GRHPR: variants seen among roughly 807,000 people sequenced by gnomAD.
GRHPR encodes glyoxylate reductase/hydroxypyruvate reductase.
GRHPR carries 35 observed loss-of-function variants against 36.8 expected under a neutral mutation model. That is an observed-to-expected ratio of 0.95 (90% CI 0.73 to 1.26). The LOEUF (loss-of-function observed/expected upper bound fraction) is 1.26. Among genes scored for constraint, GRHPR ranks in the 50% most tolerant of loss-of-function variants. The probability of loss-of-function intolerance (pLI) is 0.00; values close to 1 mark genes in which losing one functional copy is unlikely to be tolerated. For missense variants in GRHPR, 380 were observed against 435.0 expected, an observed-to-expected ratio of 0.87 and a Z score of 1.12; for synonymous variants, 179 against 181.0, an observed-to-expected ratio of 0.99 and a Z score of 0.09.
chr9:37,431,835 G>C (rs933614923), intron 7 of GRHPR, 173 bp from the exon 8 acceptor site: 7 of 629,442 alleles, frequency 1.1e-5, no homozygotes, highest in Non-Finnish European at 2.0e-5. Context: ...GGCAGGGCTG[G>C]AGTTCTCTGA....
In GRHPR at chr9:37,428,845, A is replaced by C. The variant is rs1449338849; in HGVS notation, c.493+273A>C. ...ATTCCGGCTCCATAAAGAACAGATGAAGACTACAAATGTGTTGGGGCCGTT... is the reference window on the plus strand; with the variant it reads ...ATTCCGGCTCCATAAAGAACAGATGCAGACTACAAATGTGTTGGGGCCGTT... On this transcript the variant is annotated intron_variant, in intron 5 of 8. Coordinates refer to ENST00000318158, the MANE Select transcript of GRHPR (RefSeq NM_012203.2). 1.2e-5 allele frequency: 7 copies of C among 577,478 alleles called. No homozygotes were observed. The East Asian group carries it at 2.3e-4, about 19-fold the overall frequency. The allele number at this position is 577,478 out of a possible 1,614,324, so 35.8% of individuals were successfully genotyped here.
At chr9:37,429,915 T>G in intron 6 of GRHPR, 79 bp downstream of exon 6, 1 of 866,960 alleles carries the variant, frequency 1.2e-6, no homozygotes, top group Non-Finnish European at 2.0e-6. Flanking sequence ...GGTGGCATTT[T>G]CAGGCAGAGG....
chr9:37,426,352 C>T (rs1823073847), intron 3 of GRHPR, 186 bp from the exon 4 acceptor site: 5 of 669,678 alleles, frequency 7.5e-6, no homozygotes, highest in Admixed American at 6.3e-5. Flanking sequence ...TCTTCATATC[C>T]TTCCAAAGTG....
intron 5 of GRHPR, 197 bp from the exon 6 acceptor site, chr9:37,429,534 TG>T (rs1823247571): frequency 1.5e-6 from 1 of 659,718 alleles, no homozygotes; most frequent in Non-Finnish European, 2.8e-6. Context: ...TCCAGATCCC[TG>T]GGGCAGTGTG....
intron 4 of GRHPR, chr9:37,428,144 T>C: frequency 2.4e-6 from 1 of 422,372 alleles, no homozygotes; most frequent in South Asian, 2.3e-5. Flanking sequence ...TGTTTTGGAA[T>C]CATAAATCCT....
At position 37,436,637 on chromosome 9, in the gene GRHPR, T is replaced by C. The variant is rs750042160; in HGVS notation, c.866-24T>C. 40 of 864,658 alleles carry C rather than the reference T, an allele frequency of 4.6e-5. No homozygotes were observed. The African/African-American group carries it at 4.9e-4, about 11-fold the overall frequency. The allele number at this position is 864,658 out of a possible 1,614,324, so 53.6% of individuals were successfully genotyped here. ...TGCTGAACCACCCTTCTTATCTCCC[T>C]CTCTCTCTCTCTCTCCTTTCCAGTG... On this transcript the variant is annotated intron_variant, in intron 8 of 8. Transcript: ENST00000318158.
At chr9:37,428,023 T>G in intron 4 of GRHPR, 1 of 274,930 alleles carries the variant, frequency 3.6e-6, no homozygotes, top group Non-Finnish European at 7.2e-6. Context: ...GTCTGGGGAG[T>G]CATCACATCT....
At chr9:37,430,780 C>A in intron 7 of GRHPR, 134 bp downstream of exon 7, 1 of 822,896 alleles carries the variant, frequency 1.2e-6, no homozygotes, top group Non-Finnish European at 2.1e-6. Context: ...ACCAAACAAC[C>A]AACTCAGAAA....
chr9:37,433,494 A>G (rs1256036169), intron 8 of GRHPR, among the ~76,000 whole-genome samples: 1 of 152,072 alleles, frequency 6.6e-6, no homozygotes, highest in African/African-American at 2.4e-5. Context: ...TCTGCCTCCC[A>G]AAGTGCTGGG....
intron 6 of GRHPR, 61 bp from the exon 7 acceptor site, chr9:37,430,450 C>G: frequency 6.7e-7 from 1 of 1,485,952 alleles, no homozygotes; most frequent in Non-Finnish European, 9.4e-7. Context: ...GGCTGGTCTC[C>G]CGCCATCTGG....
rs376446449 is a variant in GRHPR, at chr9:37,432,030, G to C, written c.757G>C (p.Asp253His). ...CAGGGGCGACGTCGTAAACCAGGAC[G>C]ACCTGTACCAGGCCTTGGCCAGTGG... ...ISRGDVVNQD[D>H]LYQALASGKI... Residue 253 changes from aspartate (D) to histidine (H), a missense_variant, in exon 8 of 9, where the codon GAC becomes CAC. Transcript: ENST00000318158. 6.2e-7 allele frequency: 1 copy of C among 1,614,118 alleles called. No homozygotes were observed. Among genetic ancestry groups the C allele is most frequent in the Non-Finnish European group, 8.5e-7 (1 of 1,179,974 alleles).
intron 8 of GRHPR, 95 bp downstream of exon 8, chr9:37,432,233 A>G: frequency 7.9e-7 from 1 of 1,260,454 alleles, no homozygotes. Context: ...AGCTAGTGTG[A>G]GCAGGTGTTG....
At chr9:37,436,592 A>G in intron 8 of GRHPR, 69 bp from the exon 9 acceptor site, 1 of 1,586,834 alleles carries the variant, frequency 6.3e-7, no homozygotes. Flanking sequence ...CCAAGCCATG[A>G]AAACAGCCCA....
At chr9:37,430,904 T>C in intron 7 of GRHPR, 2 of 597,502 alleles carry the variant, frequency 3.3e-6, no homozygotes. Flanking sequence ...CACAGCAGCG[T>C]GGCTTCAGGG....
intron 8 of GRHPR, chr9:37,434,566 G>C: frequency 3.2e-6 from 1 of 309,874 alleles, no homozygotes; most frequent in Non-Finnish European, 6.4e-6. Context: ...TGCAACCAAA[G>C]AGGAGGAGGG....
downstream of GRHPR, chr9:37,438,980 A>AT: frequency 6.6e-6 from 1 of 152,384 alleles, no homozygotes; most frequent in Non-Finnish European, 1.5e-5. Context: ...AAACACGCTC[A>AT]TTTTTGTTTC....
chr9:37,432,050 C>T lies in GRHPR; in HGVS notation c.777C>T (p.Ala259=), dbSNP rs201303429. The T allele has an allele frequency of 1.9e-6, 3 of 1,614,080 alleles. No individual in the cohort carries two copies. Among genetic ancestry groups the T allele is most frequent in the Non-Finnish European group, 2.5e-6 (3 of 1,179,910 alleles). Residue 259 remains alanine (A), a synonymous_variant, in exon 8 of 9, where the codon GCC becomes GCT. Transcript: ENST00000318158. ...VNQDDLYQAL[A]SGKIAAAGLD... Reference sequence around the variant, plus strand: ...AGGACGACCTGTACCAGGCCTTGGCCAGTGGTAAGATTGCAGCTGCTGGAC... The same window carrying T: ...AGGACGACCTGTACCAGGCCTTGGCTAGTGGTAAGATTGCAGCTGCTGGAC...
chr9:37,428,429 GCCC>G lies in GRHPR; in HGVS notation c.405-52_405-50del. 2.6e-6 allele frequency: 3 copies of G among 1,141,302 alleles called. No homozygotes were observed. In the South Asian group the frequency reaches 3.7e-5, roughly 14 times the overall value. The allele number at this position is 1,141,302 out of a possible 1,614,324, so 70.7% of individuals were successfully genotyped here. ...AGTCAGAGGTGCCGGGTTCTCAGCGGCCCCCATCTTGGTCCAAGGCTGGGCCTC... is the reference window on the plus strand; with the variant it reads ...AGTCAGAGGTGCCGGGTTCTCAGCGGCCATCTTGGTCCAAGGCTGGGCCTC... On this transcript the variant is annotated intron_variant, in intron 4 of 8. Transcript: ENST00000318158.
rs113602485 is a variant in GRHPR, at chr9:37,426,593, G to A, written c.343G>A (p.Ala115Thr). The A allele has an allele frequency of 2.3e-4, 365 of 1,613,934 alleles. No homozygotes were observed. Among genetic ancestry groups the A allele is most frequent in the Non-Finnish European group, 2.7e-4 (322 of 1,179,810 alleles). The change falls in exon 4 of 9, where the codon GCA becomes ACA. Residue 115 changes from alanine (A) to threonine (T), a missense_variant. Physicochemically the swap from Ala to Thr is moderately conservative, Grantham distance 58. Coordinates refer to ENST00000318158, the MANE Select transcript of GRHPR (RefSeq NM_012203.2). ...DVLTDTTAEL[A>T]VSLLLTTCRR... is the part of the protein sequence containing the mutation. ...CCTGACAGATACCACCGCCGAACTC[G>A]CAGTCTCCCTGCTACTTACCACCTG...
Sources: gnomAD v4.1 joint callset for allele counts (sites outside exome capture counted in the v4.1 genomes callset) on GRCh38, gnomAD v4.1.1 for gene constraint, MANE v1.5 for transcripts, NCBI Gene and HGNC (gene_info 2026-07-23, HGNC 2026-07-21) for gene names.